Variants in UST observed in about 807,000 individuals in gnomAD.
UST encodes the protein chondroitin sulfate 2-O-sulfotransferase.
In UST, 21 loss-of-function variants were observed where a neutral mutation model predicts 45.6. That is an observed-to-expected ratio of 0.46 (90% confidence interval 0.33 to 0.66). The LOEUF (loss-of-function observed/expected upper bound fraction) is 0.66, where lower values mean the gene tolerates loss of function less well. UST is among the 30% of genes least tolerant of loss of function. The probability of loss-of-function intolerance (pLI) is 0.02; values close to 1 mark genes in which losing one functional copy is unlikely to be tolerated. For synonymous variants in UST, 215 were observed against 200.6 expected (o/e 1.07, Z -0.61); for missense variants, 463 against 512.4 (o/e 0.90, Z 0.93).
chr6:148,844,410 T>C (rs181943882), intron 1 of UST, among the ~76,000 whole-genome samples: 11 of 152,286 alleles, frequency 7.2e-5, no homozygotes, highest in Non-Finnish European at 1.3e-4. Context: ...TATATTCTTT[T>C]CTTATTAAGA....
chr6:148,985,979 G>A lies in UST; in HGVS notation c.681+21416G>A, dbSNP rs570507555. ...CCATAGTAGATCTGATTCCTATAAA[G>A]AACAGGGGAAGGACTATTGGGTAAG... is the stretch of plus-strand genomic sequence containing the variant. On this transcript the variant is annotated intron_variant, in intron 5 of 7. Coordinates refer to ENST00000367463, the MANE Select transcript of UST (RefSeq NM_005715.3). Among the ~76,000 whole-genome samples the A allele has an allele frequency of 2.6e-4, 40 of 152,328 alleles. 1 individual carries two copies. The South Asian group carries it at 7.7e-3, about 29-fold the overall frequency.
Position 149,074,422 on chromosome 6 carries a change from C to G in UST, c.*306C>G, listed in dbSNP as rs922076445. On this transcript the variant is annotated 3_prime_UTR_variant, in exon 8 of 8. Transcript: ENST00000367463. ...GGGAAAAGGGGGAGAAATATAGCCC[C>G]TAGCCTAATAACTTATCATTTGTAA... 4 of 378,768 alleles carry G rather than the reference C, an allele frequency of 1.1e-5. No homozygotes were observed. The highest frequency in any genetic ancestry group is 5.0e-5 in the East Asian group (1 of 20,194). The allele number at this position is 378,768 out of a possible 1,614,324, so 23.5% of individuals were successfully genotyped here. A position where few individuals can be genotyped will look rare whatever the true frequency, so the allele number is the denominator to read the frequency against.
chr6:148,927,256 T>C lies in UST; in HGVS notation c.292-14023T>C, dbSNP rs527593970. On this transcript the variant is annotated intron_variant, in intron 2 of 7. Transcript: ENST00000367463. Reference sequence around the variant, plus strand: ...GAAGGGGAAAAATCATAGAAATACATTGAAGTCTTGGCCTTCCCATAGCCT... The same window carrying C: ...GAAGGGGAAAAATCATAGAAATACACTGAAGTCTTGGCCTTCCCATAGCCT... Among the ~76,000 whole-genome samples the C allele has an allele frequency of 2.0e-5, 3 of 152,236 alleles. No homozygotes were observed. In the East Asian group the frequency reaches 5.8e-4, roughly 29 times the overall value.
chr6:149,041,075 A>G (rs1776307402), intron 7 of UST, among the ~76,000 whole-genome samples: 2 of 152,228 alleles, frequency 1.3e-5, no homozygotes, highest in Non-Finnish European at 2.9e-5. Context: ...TCGGCCTTGA[A>G]AAAGAAATTT....
intron 1 of UST, among the ~76,000 whole-genome samples, chr6:148,858,775 G>A (rs1778252507): frequency 6.6e-6 from 1 of 152,084 alleles, no homozygotes; most frequent in South Asian, 2.1e-4. Context: ...GCAACAGTTT[G>A]CTCAGAATGA....
intron 7 of UST, among the ~76,000 whole-genome samples, chr6:149,053,915 T>C (rs1934223): frequency 0.39 from 59,664 of 152,056 alleles, 12,816 homozygotes; most frequent in African/African-American, 0.55. Flanking sequence ...TATTGTCAGG[T>C]GGAGCCTGGC....
At chr6:149,059,833 C>G (rs1018093611) in intron 7 of UST, among the ~76,000 whole-genome samples, 1 of 152,096 alleles carries the variant, frequency 6.6e-6, no homozygotes, top group Admixed American at 6.5e-5. Flanking sequence ...CCTAGAAGCC[C>G]GTCCAACAGC....
At chr6:149,073,106 G>A (rs537823661) in intron 7 of UST, among the ~76,000 whole-genome samples, 1 of 152,050 alleles carries the variant, frequency 6.6e-6, no homozygotes, top group Non-Finnish European at 1.5e-5. Context: ...TATTTTAGTT[G>A]TATATATTTT....
At chr6:148,891,290 G>A (rs1274601042) in intron 2 of UST, among the ~76,000 whole-genome samples, 3 of 152,248 alleles carry the variant, frequency 2.0e-5, no homozygotes, top group East Asian at 3.9e-4. Context: ...GCAGCGGGCA[G>A]CAGCAATGAT....
chr6:148,997,994 G>A (rs1306030765), intron 5 of UST, among the ~76,000 whole-genome samples: 1 of 152,164 alleles, frequency 6.6e-6, no homozygotes, highest in Non-Finnish European at 1.5e-5. Context: ...GAGGTTGAAA[G>A]TGTGACTTTT....
At position 149,074,332 on chromosome 6, in the gene UST, G is replaced by A. The variant is rs1776859922; in HGVS notation, c.*216G>A. On this transcript the variant is annotated 3_prime_UTR_variant, in exon 8 of 8. Coordinates refer to ENST00000367463, the MANE Select transcript of UST (RefSeq NM_005715.3). ...TCTTGGCTCTTTGGGTCTTTCCCGG[G>A]TACACTAGATGGCTCCATCCCAAGG... The A allele has an allele frequency of 3.4e-6, 2 of 584,452 alleles. No individual in the cohort carries two copies. Among genetic ancestry groups the A allele is most frequent in the African/African-American group, 3.7e-5 (2 of 53,680 alleles). 36.2% of individuals were successfully genotyped at this position (584,452 alleles called of 1,614,324 possible).
intron 2 of UST, 93 bp downstream of exon 2, chr6:148,887,122 A>G (rs1778927259): frequency 9.3e-6 from 9 of 969,074 alleles, no homozygotes; most frequent in Non-Finnish European, 1.4e-5. Context: ...GACACGAATC[A>G]TTCACAAGAA....
chr6:148,978,348 A>G (rs570962424), intron 5 of UST, among the ~76,000 whole-genome samples: 11 of 152,342 alleles, frequency 7.2e-5, no homozygotes, highest in African/African-American at 2.4e-4. Context: ...TAGTCTTTAC[A>G]TAGGCTGTAA....
At position 149,076,004 on chromosome 6, in the gene UST, G is replaced by C. The variant is rs1244926041; in HGVS notation, c.*1888G>C. On this transcript the variant is annotated 3_prime_UTR_variant, in exon 8 of 8. Transcript: ENST00000367463. ...TTATCATGAGATGTGTGTTAAGAAGGCTGCAGCCCACAGGAGTCCAGGGAA... is the reference window on the plus strand; with the variant it reads ...TTATCATGAGATGTGTGTTAAGAAGCCTGCAGCCCACAGGAGTCCAGGGAA... The C allele has an allele frequency of 6.5e-6, 1 of 152,704 alleles. No individual in the cohort carries two copies. Among genetic ancestry groups the C allele is most frequent in the African/African-American group, 2.4e-5 (1 of 41,454 alleles). 9.5% of individuals were successfully genotyped at this position (152,704 alleles called of 1,614,324 possible). A position where few individuals can be genotyped will look rare whatever the true frequency, so the allele number is the denominator to read the frequency against.
intron 2 of UST, among the ~76,000 whole-genome samples, chr6:148,891,951 A>G (rs1779026799): frequency 6.6e-6 from 1 of 152,238 alleles, no homozygotes; most frequent in African/African-American, 2.4e-5. Flanking sequence ...AAATTTTGGT[A>G]TACAGACTTG....
At chr6:148,919,951 C>T (rs1355448294) in intron 2 of UST, among the ~76,000 whole-genome samples, 1 of 152,182 alleles carries the variant, frequency 6.6e-6, no homozygotes, top group Non-Finnish European at 1.5e-5. Context: ...AATAAATTAA[C>T]AGTTTATTTG....
At chr6:148,916,656 A>G (rs1779596403) in intron 2 of UST, among the ~76,000 whole-genome samples, 1 of 152,174 alleles carries the variant, frequency 6.6e-6, no homozygotes. Flanking sequence ...TTCTGAGAGC[A>G]GTTTTGAGTC....
At chr6:148,879,335 G>A (rs1301955075) in intron 1 of UST, among the ~76,000 whole-genome samples, 2 of 152,222 alleles carry the variant, frequency 1.3e-5, no homozygotes, top group Non-Finnish European at 2.9e-5. Flanking sequence ...GGAAATGATG[G>A]AAGTGGCCTG....
intron 7 of UST, among the ~76,000 whole-genome samples, chr6:149,068,246 CA>C (rs1407491922): frequency 1.3e-5 from 2 of 152,126 alleles, no homozygotes; most frequent in African/African-American, 4.8e-5. Context: ...CTCACCTGTC[CA>C]CACCAAGAAA....
Sources: gnomAD v4.1 joint callset for allele counts (sites outside exome capture counted in the v4.1 genomes callset) on GRCh38, gnomAD v4.1.1 for gene constraint, MANE v1.5 for transcripts, NCBI Gene and HGNC (gene_info 2026-07-23, HGNC 2026-07-21) for gene names.